Variants in MACROD2 observed in about 807,000 individuals in gnomAD.
MACROD2 encodes the protein ADP-ribose glycohydrolase MACROD2.
MACROD2 carries 36 observed loss-of-function variants against 70.4 expected under a neutral mutation model. That is an observed-to-expected ratio of 0.51 (90% CI 0.39 to 0.68). MACROD2 has a LOEUF of 0.68. Among genes scored for constraint, MACROD2 ranks in the 30% least tolerant of loss-of-function variants. The pLI is 0.00. For synonymous variants in MACROD2, 172 were observed against 178.8 expected, an observed-to-expected ratio of 0.96 and a Z score of 0.30; for missense variants, 496 against 538.4, an observed-to-expected ratio of 0.92 and a Z score of 0.78.
At chr20:15,555,981 T>C (rs1345340656) in intron 8 of MACROD2, among the ~76,000 whole-genome samples, 1 of 152,172 alleles carries the variant, frequency 6.6e-6, no homozygotes, top group Non-Finnish European at 1.5e-5. Flanking sequence ...TTACTCAGGA[T>C]TCGTTGCCTG....
At position 15,210,370 on chromosome 20, in the gene MACROD2, C is replaced by T. The variant is rs377117979; in HGVS notation, c.419-19570C>T. Among the ~76,000 whole-genome samples the T allele has an allele frequency of 3.0e-4, 45 of 152,280 alleles. 3 individuals are homozygous for T. The highest frequency in any genetic ancestry group is 2.0e-3 in the Admixed American group (31 of 15,290). The stretch of plus-strand genomic sequence containing the variant: ...CCCTGGACAGATTTCATGGAGTTAA[C>T]AGACTCTGTTTTCCTGGTCTTATTT... On this transcript the variant is annotated intron_variant, in intron 5 of 17. Transcript: ENST00000684519.
At chr20:15,128,102 G>T (rs1314070726) in intron 5 of MACROD2, among the ~76,000 whole-genome samples, 1 of 151,880 alleles carries the variant, frequency 6.6e-6, no homozygotes, top group Non-Finnish European at 1.5e-5. Flanking sequence ...ACTGAAGTTG[G>T]GTGTCCAACA....
chr20:14,664,642 A>G (rs921778928), intron 4 of MACROD2, among the ~76,000 whole-genome samples: 1 of 152,038 alleles, frequency 6.6e-6, no homozygotes, highest in African/African-American at 2.4e-5. Flanking sequence ...TTCCCCTCAA[A>G]ACCAACACCA....
At chr20:15,421,498 C>T (rs1254141074) in intron 6 of MACROD2, among the ~76,000 whole-genome samples, 3 of 152,074 alleles carry the variant, frequency 2.0e-5, no homozygotes, top group Non-Finnish European at 2.9e-5. Context: ...ATAATCATAC[C>T]ATAGACTAGA....
At chr20:14,483,148 T>C (rs1017471543) in intron 3 of MACROD2, among the ~76,000 whole-genome samples, 3 of 152,218 alleles carry the variant, frequency 2.0e-5, no homozygotes, top group Middle Eastern at 3.2e-3. Flanking sequence ...TTTTAGCCAT[T>C]GCATTCCATT....
intron 6 of MACROD2, among the ~76,000 whole-genome samples, chr20:15,295,801 A>G (rs1370820348): frequency 2.6e-5 from 4 of 152,172 alleles, no homozygotes; most frequent in African/African-American, 9.7e-5. Context: ...AAGAGCAGAT[A>G]AGCTACAAGC....
intron 13 of MACROD2, among the ~76,000 whole-genome samples, chr20:15,982,485 T>C (rs1408524390): frequency 2.0e-5 from 3 of 152,116 alleles, no homozygotes; most frequent in African/African-American, 7.2e-5. Flanking sequence ...AGCTTCTGAG[T>C]GTGACTGGAG....
rs565371187 is a variant in MACROD2 at position 14,952,075 on chromosome 20, C to T, written c.418+267116C>T. ...AACTTACCAGTGGGCATGATTTTCA[C>T]AAATTACTATTTTTCTTTGTTTCAA... On this transcript the variant is annotated intron_variant, in intron 5 of 17. Transcript: ENST00000684519. Among the ~76,000 whole-genome samples the T allele has an allele frequency of 9.5e-4, 144 of 152,262 alleles. 2 individuals carry two copies. Among genetic ancestry groups the T allele is most frequent in the African/African-American group, 3.3e-3 (137 of 41,552 alleles).
Position 13,995,567 on chromosome 20 carries a change from G to A in MACROD2, c.-197G>A. On this transcript the variant is annotated 5_prime_UTR_variant, in exon 1 of 18. Transcript: ENST00000684519. The surrounding 1 kb of genome is among the most constrained non-coding windows in gnomAD (Gnocchi z 4.3). ...GGCGTCCGCGGGGCTGAGGCGGGTG[G>A]GAGCCGGAGCCGAGCGCGGGCTGAG... 1.5e-6 allele frequency: 1 copy of A among 658,382 alleles called. No homozygotes were observed. Among genetic ancestry groups the A allele is most frequent in the Admixed American group, 2.2e-5 (1 of 46,362 alleles). The allele number at this position is 658,382 out of a possible 1,614,324, so 40.8% of individuals were successfully genotyped here.
intron 3 of MACROD2, among the ~76,000 whole-genome samples, chr20:14,194,055 A>G (rs1159317837): frequency 6.6e-6 from 1 of 152,176 alleles, no homozygotes; most frequent in Admixed American, 6.5e-5. Flanking sequence ...TCTGAGCTCC[A>G]GGTCAGTCTA....
At chr20:16,028,963 C>T (rs548610412) in intron 15 of MACROD2, among the ~76,000 whole-genome samples, 19 of 152,266 alleles carry the variant, frequency 1.2e-4, no homozygotes, top group African/African-American at 3.9e-4. Context: ...TAGGCTGGGG[C>T]GCTTAAACAA....
chr20:14,513,968 T>C (rs555707583), intron 4 of MACROD2, among the ~76,000 whole-genome samples: 2 of 152,220 alleles, frequency 1.3e-5, no homozygotes, highest in South Asian at 4.1e-4. Context: ...TTTTTAAATT[T>C]TACAACATTT....
intron 3 of MACROD2, among the ~76,000 whole-genome samples, chr20:14,191,403 A>C (rs1169239573): frequency 6.6e-6 from 1 of 152,196 alleles, no homozygotes; most frequent in Non-Finnish European, 1.5e-5. Flanking sequence ...CCCAAATCTC[A>C]GGATCGTTTT....
At chr20:14,310,891 T>C (rs1002246766) in intron 3 of MACROD2, among the ~76,000 whole-genome samples, 2 of 152,222 alleles carry the variant, frequency 1.3e-5, no homozygotes, top group East Asian at 1.9e-4. Flanking sequence ...AAAAAACTTA[T>C]AGACTAAAGG....
At chr20:14,500,096 C>T (rs770466271) in intron 4 of MACROD2, among the ~76,000 whole-genome samples, 1 of 152,198 alleles carries the variant, frequency 6.6e-6, no homozygotes, top group Non-Finnish European at 1.5e-5. Context: ...AGCAGAAGGT[C>T]ATGATCTATT....
intron 4 of MACROD2, among the ~76,000 whole-genome samples, chr20:14,553,267 C>G (rs1181656686): frequency 6.6e-6 from 1 of 151,842 alleles, no homozygotes; most frequent in Non-Finnish European, 1.5e-5. Context: ...TCATCAATAT[C>G]ACTGTCTTCC....
At chr20:15,439,311 G>A (rs572674780) in intron 7 of MACROD2, among the ~76,000 whole-genome samples, 10 of 152,278 alleles carry the variant, frequency 6.6e-5, no homozygotes, top group Non-Finnish European at 5.9e-5. Flanking sequence ...AAAGTCCACT[G>A]TAATCCTAGT....
At chr20:14,917,669 C>T (rs945386551) in intron 5 of MACROD2, among the ~76,000 whole-genome samples, 2 of 152,034 alleles carry the variant, frequency 1.3e-5, no homozygotes, top group Admixed American at 1.3e-4. Flanking sequence ...GAATAGGAAG[C>T]TCATCATGGA....
chr20:14,271,322 C>T (rs1309420588), intron 3 of MACROD2, among the ~76,000 whole-genome samples: 1 of 152,186 alleles, frequency 6.6e-6, no homozygotes, highest in African/African-American at 2.4e-5. Flanking sequence ...CAGACAGCAG[C>T]ATTTGCAATT....
Sources: allele counts gnomAD v4.1 joint callset (sites outside exome capture counted in the v4.1 genomes callset), GRCh38; gene constraint gnomAD v4.1.1; non-coding constraint Gnocchi (gnomAD v3.1); transcripts MANE v1.5; gene names NCBI Gene and HGNC (gene_info 2026-07-23, HGNC 2026-07-21).